Variants in RNF8 observed in about 807,000 individuals in gnomAD.
RNF8 encodes ring finger protein 8, also known as E3 ubiquitin-protein ligase RNF8.
A neutral mutation model predicts 59.3 loss-of-function variants in RNF8; 8 were observed. That is an observed-to-expected ratio of 0.13 (90% confidence interval 0.08 to 0.24). RNF8 has a LOEUF of 0.24. Among genes scored for constraint, RNF8 ranks in the 10% least tolerant of loss-of-function variants. The pLI is 1.00. For synonymous variants in RNF8, 162 were observed against 200.0 expected (o/e 0.81, Z 1.60); for missense variants, 406 against 572.6 (o/e 0.71, Z 2.97).
At chr6:37,364,349 A>G (rs1408915245) in intron 2 of RNF8, among the ~76,000 whole-genome samples, 5 of 152,138 alleles carry the variant, frequency 3.3e-5, no homozygotes, top group Non-Finnish European at 1.5e-5. Context: ...GGAGACACAC[A>G]GGGGTTTCTG....
chr6:37,361,699 A>G (rs1769332139), intron 2 of RNF8: 1 of 284,324 alleles, frequency 3.5e-6, no homozygotes, highest in South Asian at 3.1e-5. Flanking sequence ...TCTGCCTGCC[A>G]TCCTCATATT....
chr6:37,369,490 C>T (rs925586876), intron 3 of RNF8, among the ~76,000 whole-genome samples: 4 of 152,316 alleles, frequency 2.6e-5, no homozygotes, highest in African/African-American at 9.6e-5. Context: ...TAACTCATCC[C>T]AGGAGGCAAA....
At chr6:37,366,590 T>C (rs554862203) in intron 2 of RNF8, among the ~76,000 whole-genome samples, 1 of 152,238 alleles carries the variant, frequency 6.6e-6, no homozygotes, top group Non-Finnish European at 1.5e-5. Flanking sequence ...TAATGGAAGA[T>C]AAAACTGGAA....
chr6:37,363,348 AGAGTAAAAG>A (rs1430165311), intron 2 of RNF8, among the ~76,000 whole-genome samples: 2 of 152,244 alleles, frequency 1.3e-5, no homozygotes, highest in Non-Finnish European at 2.9e-5. Context: ...CACCATTAAG[AGAGTAAAAG>A]GCAAACTCAG....
chr6:37,382,893 G>A (rs1213568206), intron 7 of RNF8, among the ~76,000 whole-genome samples: 5 of 151,148 alleles, frequency 3.3e-5, no homozygotes, highest in Non-Finnish European at 5.9e-5. Context: ...CAAGAGAATC[G>A]TTTGAACCTG....
At chr6:37,382,900 C>A (rs1190120913) in intron 7 of RNF8, among the ~76,000 whole-genome samples, 1 of 151,772 alleles carries the variant, frequency 6.6e-6, no homozygotes, top group African/African-American at 2.4e-5. Context: ...ATCGTTTGAA[C>A]CTGCAGAGGT....
chr6:37,359,598 T>G (rs915161303), intron 1 of RNF8, among the ~76,000 whole-genome samples: 9 of 152,250 alleles, frequency 5.9e-5, no homozygotes, highest in African/African-American at 2.2e-4. Flanking sequence ...GAATCCAAGG[T>G]TTTCCATCCA....
chr6:37,354,039 T>A lies in RNF8; in HGVS notation c.-126T>A. On this transcript the variant is annotated 5_prime_UTR_variant, in exon 1 of 8. Transcript: ENST00000373479. ...CGAGCGGAGCCTGCTTTCGCAGCGA[T>A]CGCGAGCGTGTGGCGATTGCTTCTG... 1.2e-6 allele frequency: 1 copy of A among 822,426 alleles called. No individual in the cohort carries two copies. The highest frequency in any genetic ancestry group is 1.5e-5 in the South Asian group (1 of 65,646). 50.9% of individuals were successfully genotyped at this position (822,426 alleles called of 1,614,324 possible).
chr6:37,392,360 A>G lies in RNF8; in HGVS notation c.*1602A>G, dbSNP rs1770749986. On this transcript the variant is annotated 3_prime_UTR_variant, in exon 8 of 8. Transcript: ENST00000373479. Reference sequence around the variant, plus strand: ...CATTTTTAAGAGAGTACAGACATACACTTTTTGAGTAGGCAATATGTTCAC... The same window carrying G: ...CATTTTTAAGAGAGTACAGACATACGCTTTTTGAGTAGGCAATATGTTCAC... The G allele has an allele frequency of 4.3e-5, 17 of 398,066 alleles. No homozygotes were observed. The East Asian group carries it at 6.1e-4, about 14-fold the overall frequency. 24.7% of individuals were successfully genotyped at this position (398,066 alleles called of 1,614,324 possible).
intron 6 of RNF8, among the ~76,000 whole-genome samples, chr6:37,380,012 C>G (rs1770186959): frequency 6.6e-6 from 1 of 152,150 alleles, no homozygotes; most frequent in Admixed American, 6.6e-5. Flanking sequence ...CTCCCAGGCT[C>G]TAGTGATCCT....
intron 3 of RNF8, among the ~76,000 whole-genome samples, chr6:37,370,969 A>G (rs1385308556): frequency 6.6e-6 from 1 of 152,158 alleles, no homozygotes; most frequent in Non-Finnish European, 1.5e-5. Context: ...ATATAGGTTA[A>G]TGATCACCTG....
rs1235568634 is a variant in RNF8, at chr6:37,377,046, A to G, written c.1236+13A>G. On this transcript the variant is annotated intron_variant, in intron 6 of 7. Coordinates refer to ENST00000373479, the MANE Select transcript of RNF8 (RefSeq NM_003958.4). ...ATACTTCATTGAGGTAATTATGAAC[A>G]GTTGCTCACCCCTTCTTTTTTTTTT... 1 of 950,894 alleles carries G rather than the reference A, an allele frequency of 1.1e-6. No homozygotes were observed. The highest frequency in any genetic ancestry group is 1.7e-6 in the Non-Finnish European group (1 of 594,818). The allele number at this position is 950,894 out of a possible 1,614,324, so 58.9% of individuals were successfully genotyped here.
intron 7 of RNF8, among the ~76,000 whole-genome samples, chr6:37,388,389 C>T (rs1770595678): frequency 6.6e-6 from 1 of 152,158 alleles, no homozygotes; most frequent in Non-Finnish European, 1.5e-5. Context: ...CTGAGGACAT[C>T]AATGGAGCTG....
chr6:37,387,002 T>C (rs1758534348), intron 7 of RNF8, among the ~76,000 whole-genome samples: 1 of 152,222 alleles, frequency 6.6e-6, no homozygotes, highest in Admixed American at 6.5e-5. Flanking sequence ...GGAGACTACC[T>C]GTGCAAATAT....
intron 1 of RNF8, among the ~76,000 whole-genome samples, chr6:37,355,531 A>G (rs1035324765): frequency 6.6e-6 from 1 of 152,220 alleles, no homozygotes; most frequent in Non-Finnish European, 1.5e-5. Flanking sequence ...AAGAACATCC[A>G]TATGGGCTGT....
intron 2 of RNF8, among the ~76,000 whole-genome samples, chr6:37,363,066 T>G (rs981511820): frequency 2.6e-5 from 4 of 152,210 alleles, no homozygotes; most frequent in Non-Finnish European, 4.4e-5. Context: ...ACGTCTTACT[T>G]GAGCCTTTCC....
intron 6 of RNF8, among the ~76,000 whole-genome samples, chr6:37,377,586 T>C (rs1770075862): frequency 6.6e-6 from 1 of 152,256 alleles, no homozygotes; most frequent in Non-Finnish European, 1.5e-5. Flanking sequence ...CTTAAATGTT[T>C]ATTTGGTATG....
In RNF8 at chr6:37,360,428, ATTG is replaced by A. The variant is rs750380695; in HGVS notation, c.112-10_112-8del. ...CACAATGACTGATGGTATTTCTTGC[ATTG>A]TTGTTGTCTCCCAGGTGACTGTAGG... On this transcript the variant is annotated splice_polypyrimidine_tract_variant and intron_variant, in intron 1 of 7. Transcript: ENST00000373479. The surrounding 1 kb of genome is among the most constrained non-coding windows in gnomAD (Gnocchi z 4.2). 7.5e-6 allele frequency: 12 copies of A among 1,595,534 alleles called. No individual in the cohort carries two copies. The highest frequency in any genetic ancestry group is 1.0e-5 in the Non-Finnish European group (12 of 1,179,488).
chr6:37,374,250 T>C (rs555891558), intron 4 of RNF8, among the ~76,000 whole-genome samples: 16 of 152,286 alleles, frequency 1.1e-4, no homozygotes, highest in Admixed American at 9.2e-4. Context: ...GTTCCCAGAA[T>C]CACTTGGGTG....
Sources: allele counts gnomAD v4.1 joint callset (sites outside exome capture counted in the v4.1 genomes callset), GRCh38; gene constraint gnomAD v4.1.1; non-coding constraint Gnocchi (gnomAD v3.1); transcripts MANE v1.5; gene names NCBI Gene and HGNC (gene_info 2026-07-23, HGNC 2026-07-21).